RANBP2: variants seen among roughly 807,000 people sequenced by gnomAD.
The protein encoded by RANBP2 is RAN binding protein 2.
A neutral mutation model predicts 303.6 loss-of-function variants in RANBP2; 57 were observed. The ratio of observed to expected loss-of-function variants is 0.19; its 90% CI spans 0.15 to 0.23. RANBP2 has a LOEUF of 0.23. RANBP2 is among the 10% of genes least tolerant of loss of function. The pLI is 1.00. For synonymous variants in RANBP2, 1,167 were observed against 1,301.5 expected, an observed-to-expected ratio of 0.90 and a Z score of 2.23; for missense variants, 3,138 against 3,780.8, an observed-to-expected ratio of 0.83 and a Z score of 4.46.
At chr2:108,874,711 A>G in the RANBP2 span, among the ~76,000 whole-genome samples, 1 of 152,118 alleles carries the variant, frequency 6.6e-6, no homozygotes, top group Non-Finnish European at 1.5e-5. Flanking sequence ...ATTGTAATAA[A>G]TTATTGTCAA....
the RANBP2 span, among the ~76,000 whole-genome samples, chr2:109,384,779 G>A: frequency 6.6e-6 from 1 of 152,124 alleles, no homozygotes; most frequent in African/African-American, 2.4e-5. Flanking sequence ...CTGGTCATAG[G>A]GAACCCACAG....
At chr2:109,392,596 G>A in the RANBP2 span, among the ~76,000 whole-genome samples, 2 of 151,990 alleles carry the variant, frequency 1.3e-5, no homozygotes, top group African/African-American at 4.8e-5. Flanking sequence ...GCAAGCTCAA[G>A]CTCCGCCTCG....
At chr2:108,941,395 GAGAGTCCTGGTAGCTCAC>G in the RANBP2 span, among the ~76,000 whole-genome samples, 1 of 152,320 alleles carries the variant, frequency 6.6e-6, no homozygotes, top group Non-Finnish European at 1.5e-5. Context: ...CTGGCCAGAG[GAGAGTCCTGGTAGCTCAC>G]AGCCTTCCTC....
the RANBP2 span, among the ~76,000 whole-genome samples, chr2:109,120,822 A>T: frequency 6.6e-6 from 1 of 152,128 alleles, no homozygotes. Context: ...CTTCCCTCAC[A>T]TGTCCAAAGC....
chr2:109,396,801 C>A, the RANBP2 span, among the ~76,000 whole-genome samples: 4 of 152,384 alleles, frequency 2.6e-5, no homozygotes, highest in South Asian at 8.3e-4. Context: ...ACACCCATGG[C>A]TGGCCACAGA....
the RANBP2 span, among the ~76,000 whole-genome samples, chr2:109,257,699 T>C: frequency 7.9e-5 from 12 of 152,106 alleles, no homozygotes; most frequent in East Asian, 3.9e-4. Flanking sequence ...ATTACCTGTT[T>C]CCTGAAGTAG....
chr2:109,254,033 A>G, the RANBP2 span, among the ~76,000 whole-genome samples: 1 of 151,992 alleles, frequency 6.6e-6, no homozygotes, highest in Non-Finnish European at 1.5e-5. Flanking sequence ...CACCATTCAC[A>G]TCACATTTAT....
the RANBP2 span, among the ~76,000 whole-genome samples, chr2:109,649,388 G>A: frequency 6.6e-6 from 1 of 151,960 alleles, no homozygotes; most frequent in Non-Finnish European, 1.5e-5. Context: ...AAGGTATTAT[G>A]AATTTCTTTT....
the RANBP2 span, chr2:109,553,339 G>A: frequency 3.3e-6 from 3 of 913,370 alleles, 1 homozygote; most frequent in Admixed American, 2.6e-5. Context: ...AAGGTCAGGA[G>A]TCCAAGACCA....
chr2:108,811,636 A>G, the RANBP2 span, among the ~76,000 whole-genome samples: 1 of 152,102 alleles, frequency 6.6e-6, no homozygotes, highest in Non-Finnish European at 1.5e-5. Flanking sequence ...TTTTAGATTC[A>G]GAGGGTACAT....
At chr2:108,783,550 A>T in intron 28 of RANBP2, 46 bp from the exon 29 acceptor site, 4 of 1,434,770 alleles carry the variant, frequency 2.8e-6, no homozygotes, top group Non-Finnish European at 3.8e-6. Flanking sequence ...GATTCCTATT[A>T]ATTGAAAAAA....
At chr2:109,468,066 A>G in the RANBP2 span, among the ~76,000 whole-genome samples, 1 of 152,240 alleles carries the variant, frequency 6.6e-6, no homozygotes, top group Non-Finnish European at 1.5e-5. Context: ...CAACTCACTA[A>G]TCAAAACTAG....
chr2:108,795,150 A>ATTTTT, the RANBP2 span, among the ~76,000 whole-genome samples: 385 of 85,024 alleles, frequency 4.5e-3, 9 homozygotes, highest in Non-Finnish European at 5.3e-3. Context: ...TCTAAAGTGT[A>ATTTTT]TTTTTTTTTT....
At chr2:109,227,209 A>G in the RANBP2 span, among the ~76,000 whole-genome samples, 4 of 152,124 alleles carry the variant, frequency 2.6e-5, no homozygotes, top group African/African-American at 9.7e-5. Context: ...AATTGAGAGG[A>G]TCCCACCCAG....
At chr2:109,006,843 A>T in the RANBP2 span, among the ~76,000 whole-genome samples, 1 of 152,230 alleles carries the variant, frequency 6.6e-6, no homozygotes, top group African/African-American at 2.4e-5. Context: ...CAATTATTTG[A>T]AACTTTAAAT....
At chr2:109,697,462 G>T in the RANBP2 span, among the ~76,000 whole-genome samples, 2 of 150,180 alleles carry the variant, frequency 1.3e-5, no homozygotes, top group Non-Finnish European at 3.0e-5. Flanking sequence ...CCCAGCCTGG[G>T]CAATAAGAGC....
chr2:108,770,621 C>CAAATAAATAAAT (rs201440964), intron 20 of RANBP2, among the ~76,000 whole-genome samples: 1 of 150,154 alleles, frequency 6.7e-6, no homozygotes, highest in African/African-American at 2.5e-5. Flanking sequence ...GACTGCATCT[C>CAAATAAATAAAT]AAATAAATAA....
chr2:109,613,959 G>C, the RANBP2 span: 6 of 1,209,690 alleles, frequency 5.0e-6, no homozygotes, highest in South Asian at 4.1e-5. Flanking sequence ...CTCCGCGACG[G>C]GGAAGGGACA....
the RANBP2 span, among the ~76,000 whole-genome samples, chr2:109,172,322 C>T: frequency 2.0e-4 from 30 of 152,202 alleles, no homozygotes; most frequent in Non-Finnish European, 4.1e-4. Context: ...TTGCAAACAG[C>T]GTGGAAATGC....
Sources: gnomAD v4.1 joint callset for allele counts (sites outside exome capture counted in the v4.1 genomes callset) on GRCh38, gnomAD v4.1.1 for gene constraint, MANE v1.5 for transcripts, NCBI Gene and HGNC (gene_info 2026-07-23, HGNC 2026-07-21) for gene names.